The following WNK2 variants were observed in gnomAD, a reference collection of about 807,000 sequenced individuals.
WNK2 encodes WNK lysine deficient protein kinase 2.
A neutral mutation model predicts 192.1 loss-of-function variants in WNK2; 67 were observed. That is an observed-to-expected ratio of 0.35 (90% CI 0.29 to 0.43). The LOEUF is 0.43. WNK2 is among the 20% of genes least tolerant of loss of function. The pLI is 1.00. For missense variants in WNK2, 2,698 were observed against 3,089.7 expected (o/e 0.87, Z 3.01); for synonymous variants, 1,439 against 1,393.9 (o/e 1.03, Z -0.72).
intron 2 of WNK2, 108 bp downstream of exon 2, chr9:93,185,718 C>T (rs974548363): frequency 1.5e-6 from 2 of 1,326,920 alleles, no homozygotes; most frequent in Non-Finnish European, 2.1e-6. Context: ...CTGGGGGCGG[C>T]GGGGCTCCAT....
At chr9:93,198,278 T>C (rs1831645100) in intron 2 of WNK2, among the ~76,000 whole-genome samples, 1 of 152,084 alleles carries the variant, frequency 6.6e-6, no homozygotes, top group Admixed American at 6.6e-5. Context: ...CTGAGTTAGG[T>C]TGAGTGGTTG....
At chr9:93,240,748 G>A (rs1205879523) in intron 7 of WNK2, among the ~76,000 whole-genome samples, 1 of 152,136 alleles carries the variant, frequency 6.6e-6, no homozygotes, top group Non-Finnish European at 1.5e-5. Context: ...GCAGCAGGTG[G>A]GACAGATCTA....
intron 2 of WNK2, among the ~76,000 whole-genome samples, chr9:93,211,220 A>AG (rs1563997111): frequency 7.8e-6 from 1 of 127,404 alleles, no homozygotes; most frequent in Non-Finnish European, 1.7e-5. Flanking sequence ...TCAATCACTC[A>AG]TCCACTCACT....
At chr9:93,265,674 A>G (rs958791167) in intron 16 of WNK2, among the ~76,000 whole-genome samples, 1 of 152,250 alleles carries the variant, frequency 6.6e-6, no homozygotes, top group Non-Finnish European at 1.5e-5. Flanking sequence ...AAAGCATAAT[A>G]ATAAAGTGAA....
At chr9:93,237,033 G>A (rs955235245) in intron 5 of WNK2, among the ~76,000 whole-genome samples, 10 of 152,166 alleles carry the variant, frequency 6.6e-5, no homozygotes, top group African/African-American at 9.7e-5. Flanking sequence ...TGTTGTGGCC[G>A]GGGTGATGGT....
chr9:93,232,022 G>A (rs943455432), intron 4 of WNK2, among the ~76,000 whole-genome samples: 11 of 152,162 alleles, frequency 7.2e-5, no homozygotes, highest in Admixed American at 4.6e-4. Context: ...AGCGTGGGTC[G>A]GGGCTCAGGA....
At chr9:93,318,462 G>A (rs372403641) in intron 29 of WNK2, 27 of 1,614,042 alleles carry the variant, frequency 1.7e-5, no homozygotes, top group East Asian at 2.2e-5. Flanking sequence ...TGCTTGCTCA[G>A]TAGGGAATGT....
At chr9:93,220,759 GC>G (rs1356416153) in intron 2 of WNK2, among the ~76,000 whole-genome samples, 1 of 152,140 alleles carries the variant, frequency 6.6e-6, no homozygotes, top group Non-Finnish European at 1.5e-5. Flanking sequence ...GGTGTGGTGG[GC>G]CCGGGGAGTG....
At chr9:93,232,405 GAGGGGCTGAGAGC>G (rs1453511175) in intron 4 of WNK2, among the ~76,000 whole-genome samples, 4 of 152,196 alleles carry the variant, frequency 2.6e-5, no homozygotes, top group Admixed American at 2.6e-4. Context: ...CTCCCTCCTG[GAGGGGCTGAGAGC>G]AGGGGCCCAG....
intron 28 of WNK2, among the ~76,000 whole-genome samples, chr9:93,310,879 G>A (rs1027521305): frequency 1.8e-4 from 28 of 152,192 alleles, no homozygotes; most frequent in African/African-American, 2.2e-4. Context: ...TGGGAGGATC[G>A]CTGGAGCCCA....
chr9:93,306,827 T>TGCCGAGTG lies in WNK2; in HGVS notation c.6259+6_6259+7insGCCGAGTG. The TGCCGAGTG allele has an allele frequency of 6.2e-7, 1 of 1,614,070 alleles. No homozygotes were observed. Among genetic ancestry groups the TGCCGAGTG allele is most frequent in the Non-Finnish European group, 8.5e-7 (1 of 1,179,888 alleles). On this transcript the variant is annotated splice_region_variant and intron_variant, in intron 27 of 29. Transcript: ENST00000427277. The stretch of plus-strand genomic sequence containing the variant: ...AGGCAAAGAACACAGCAGTAGTAAT[T>TGCCGAGTG]ATCCGGGTTTTTTCCCCTTTGTCCT...
At chr9:93,219,147 C>T (rs1413187764) in intron 2 of WNK2, among the ~76,000 whole-genome samples, 2 of 152,252 alleles carry the variant, frequency 1.3e-5, no homozygotes, top group Admixed American at 1.3e-4. Context: ...AAGCTCTCTT[C>T]CTCCCTCCAG....
At chr9:93,209,721 T>C (rs929112878) in intron 2 of WNK2, among the ~76,000 whole-genome samples, 2 of 152,202 alleles carry the variant, frequency 1.3e-5, no homozygotes, top group African/African-American at 4.8e-5. Context: ...TGGCACTGGC[T>C]GTGTGGCCTC....
chr9:93,216,717 C>T (rs781171004), intron 2 of WNK2, among the ~76,000 whole-genome samples: 3 of 149,896 alleles, frequency 2.0e-5, no homozygotes, highest in Non-Finnish European at 4.4e-5. Context: ...TCGCTTGAAC[C>T]TGGGAGACAA....
At chr9:93,208,666 G>C (rs1440656021) in intron 2 of WNK2, among the ~76,000 whole-genome samples, 2 of 36,518 alleles carry the variant, frequency 5.5e-5, no homozygotes, top group Non-Finnish European at 1.3e-4. Context: ...CATGTATTCT[G>C]TGTGTTCTTC....
At chr9:93,274,709 A>G (rs1262645667) in intron 19 of WNK2, among the ~76,000 whole-genome samples, 3 of 152,198 alleles carry the variant, frequency 2.0e-5, no homozygotes, top group Non-Finnish European at 4.4e-5. Flanking sequence ...AAATTCATCT[A>G]AGATAGAATA....
chr9:93,285,238 TATC>T (rs1245568783), intron 19 of WNK2, among the ~76,000 whole-genome samples: 1 of 152,196 alleles, frequency 6.6e-6, no homozygotes, highest in Non-Finnish European at 1.5e-5. Context: ...ACTATAATTT[TATC>T]ATTTTGCCTC....
chr9:93,224,149 C>G (rs1223975904), intron 2 of WNK2, among the ~76,000 whole-genome samples: 1 of 152,230 alleles, frequency 6.6e-6, no homozygotes, highest in African/African-American at 2.4e-5. Context: ...GGGGCTCAGC[C>G]TCACTGGTTC....
At chr9:93,222,081 A>G (rs1837005655) in intron 2 of WNK2, among the ~76,000 whole-genome samples, 1 of 150,844 alleles carries the variant, frequency 6.6e-6, no homozygotes, top group African/African-American at 2.4e-5. Flanking sequence ...CAGGGTGAGT[A>G]CCGGTGTGTA....
Sources: allele counts gnomAD v4.1 joint callset (sites outside exome capture counted in the v4.1 genomes callset), GRCh38; gene constraint gnomAD v4.1.1; transcripts MANE v1.5; gene names NCBI Gene and HGNC (gene_info 2026-07-23, HGNC 2026-07-21).